The following CEP152 variants were observed in gnomAD, a reference collection of about 807,000 sequenced individuals.
The protein encoded by CEP152 is centrosomal protein of 152 kDa.
In CEP152, 132 loss-of-function variants were observed where a neutral mutation model predicts 188.9. The ratio of observed to expected loss-of-function variants is 0.70; its 90% confidence interval spans 0.61 to 0.81. The LOEUF (loss-of-function observed/expected upper bound fraction) is 0.81, where lower values mean the gene tolerates loss of function less well. CEP152 is among the 30% of genes least tolerant of loss of function. The pLI, the probability that CEP152 is intolerant of heterozygous loss-of-function variation, is 0.00. For missense variants in CEP152, 1,914 were observed against 1,969.8 expected, an observed-to-expected ratio of 0.97 and a Z score of 0.54; for synonymous variants, 649 against 666.6, an observed-to-expected ratio of 0.97 and a Z score of 0.41.
downstream of CEP152, among the ~76,000 whole-genome samples, chr15:48,734,200 T>TATATAC (rs1351522732): frequency 2.0e-5 from 3 of 149,946 alleles, no homozygotes; most frequent in Non-Finnish European, 4.4e-5. Flanking sequence ...AATATATACA[T>TATATAC]ATATACATAT....
chr15:48,807,112 T>C (rs997312787), intron 1 of CEP152, among the ~76,000 whole-genome samples: 3 of 152,174 alleles, frequency 2.0e-5, no homozygotes, highest in Non-Finnish European at 4.4e-5. Flanking sequence ...ACTCAGACTA[T>C]ACCTCAACTT....
chr15:48,801,060 C>A (rs551786176), intron 2 of CEP152, among the ~76,000 whole-genome samples: 1 of 152,238 alleles, frequency 6.6e-6, no homozygotes, highest in South Asian at 2.1e-4. Context: ...GGCAAGAGGC[C>A]TCAAGTTACA....
At chr15:48,764,805 C>T (rs1894939423) in intron 17 of CEP152, among the ~76,000 whole-genome samples, 1 of 152,026 alleles carries the variant, frequency 6.6e-6, no homozygotes, top group Non-Finnish European at 1.5e-5. Context: ...ATGCATGAAA[C>T]ATAAAAAAAC....
chr15:48,791,527 CTAAA>C (rs766835935), intron 7 of CEP152, 151 bp from the exon 8 acceptor site: 6 of 727,468 alleles, frequency 8.2e-6, no homozygotes, highest in Non-Finnish European at 1.3e-5. Flanking sequence ...TTAGAGAAAA[CTAAA>C]TAAAGAATTT....
intron 24 of CEP152, among the ~76,000 whole-genome samples, chr15:48,742,897 A>G (rs914001183): frequency 3.5e-4 from 54 of 152,164 alleles, no homozygotes; most frequent in Non-Finnish European, 2.4e-4. Flanking sequence ...TCATACAGGA[A>G]TCTTCCTGTT....
At chr15:48,786,951 C>A (rs1171790935) in intron 9 of CEP152, among the ~76,000 whole-genome samples, 2 of 152,038 alleles carry the variant, frequency 1.3e-5, no homozygotes, top group South Asian at 2.1e-4. Context: ...AGAATGGAGA[C>A]CCCCAACCCA....
At position 48,756,297 on chromosome 15, in the gene CEP152, T is replaced by C. The variant is rs1894258478; in HGVS notation, c.2951A>G (p.Asp984Gly). Residue 984 changes from aspartate (D) to glycine (G), a missense_variant, in exon 20 of 27, where the codon GAT becomes GGT. Transcript: ENST00000380950. ...QNEQDYRQFL[D>G]DHRNKINEVL... ...CTCATTAATTTTATTTCGGTGATCA[T>C]CTAAAAATTGCCGGTAATCTTGCTC... The C allele has an allele frequency of 1.3e-6, 2 of 1,576,626 alleles. No individual in the cohort carries two copies. Among genetic ancestry groups the C allele is most frequent in the East Asian group, 2.2e-5 (1 of 44,528 alleles).
At chr15:48,793,206 A>C in intron 7 of CEP152, 115 bp downstream of exon 7, 1 of 1,226,166 alleles carries the variant, frequency 8.2e-7, no homozygotes, top group Non-Finnish European at 1.2e-6. Flanking sequence ...CTCACTCACT[A>C]TGAGCCCTCT....
At chr15:48,758,886 A>G (rs772066855) in intron 19 of CEP152, among the ~76,000 whole-genome samples, 1 of 152,124 alleles carries the variant, frequency 6.6e-6, no homozygotes, top group Non-Finnish European at 1.5e-5. Context: ...TCATTTCTAT[A>G]TGTCTGCTTT....
intron 11 of CEP152, 98 bp downstream of exon 11, chr15:48,782,041 C>T (rs1032748675): frequency 8.9e-7 from 1 of 1,118,426 alleles, no homozygotes; most frequent in African/African-American, 1.5e-5. Context: ...GTGGTCCAAC[C>T]ACCTCTATTA....
chr15:48,802,119 T>C (rs1897702423), intron 2 of CEP152, among the ~76,000 whole-genome samples: 1 of 152,066 alleles, frequency 6.6e-6, no homozygotes, highest in African/African-American at 2.4e-5. Context: ...TATATCTCTG[T>C]AATATCCAAC....
rs1006708418 is a variant in CEP152, at chr15:48,772,422, A to G, written c.1782+65T>C. On this transcript the variant is annotated intron_variant, in intron 13 of 26. Coordinates refer to ENST00000380950, the MANE Select transcript of CEP152 (RefSeq NM_001194998.2). ...TGACGCCCTGTCTCAAAAAAAAAAA[A>G]GTGTAAAAGTTTTCTTTATTGAGCC... 24 of 1,371,910 alleles carry G rather than the reference A, an allele frequency of 1.7e-5. No homozygotes were observed. In the Middle Eastern group the frequency reaches 9.8e-4, roughly 56 times the overall value. The allele number at this position is 1,371,910 out of a possible 1,614,324, so 85.0% of individuals were successfully genotyped here. A position where few individuals can be genotyped will look rare whatever the true frequency, so the allele number is the denominator to read the frequency against.
chr15:48,746,290 T>C (rs1893417239), intron 22 of CEP152, among the ~76,000 whole-genome samples: 1 of 152,252 alleles, frequency 6.6e-6, no homozygotes, highest in Non-Finnish European at 1.5e-5. Context: ...TTTTAGAAGA[T>C]ATCAGCTTCA....
At chr15:48,800,233 CAG>C (rs1229766743) in intron 2 of CEP152, among the ~76,000 whole-genome samples, 1 of 152,150 alleles carries the variant, frequency 6.6e-6, no homozygotes, top group Non-Finnish European at 1.5e-5. Context: ...CTATAGTATT[CAG>C]AGTCTTGCAA....
chr15:48,742,149 T>C, intron 24 of CEP152, 49 bp from the exon 25 acceptor site: 1 of 1,576,652 alleles, frequency 6.3e-7, no homozygotes, highest in Non-Finnish European at 8.7e-7. Context: ...TATTAGCACT[T>C]TTTCAGAAAC....
At chr15:48,786,235 T>C (rs887150443) in intron 9 of CEP152, among the ~76,000 whole-genome samples, 1 of 151,988 alleles carries the variant, frequency 6.6e-6, no homozygotes, top group African/African-American at 2.4e-5. Flanking sequence ...CTTCCATGAA[T>C]GGGAGGAGGT....
rs1261104238 is a variant in CEP152 at position 48,738,220 on chromosome 15, A to C, written c.*29T>G. ...TCCCTTCCATTTTTGTTAATATATT[A>C]ATGATTCTTCTTAAATACTGTACCA... On this transcript the variant is annotated 3_prime_UTR_variant, in exon 27 of 27. Coordinates refer to ENST00000380950, the MANE Select transcript of CEP152 (RefSeq NM_001194998.2). 6.3e-7 allele frequency: 1 copy of C among 1,578,828 alleles called. No homozygotes were observed. Among genetic ancestry groups the C allele is most frequent in the Non-Finnish European group, 8.6e-7 (1 of 1,160,798 alleles).
chr15:48,797,433 A>T lies in CEP152; in HGVS notation c.408T>A (p.Ser136Arg). ...DEGGSGYSPP[S>R]KCEQTDLYHL... ...GATATAAATCAGTCTGTTCACATTT[A>T]CTTGGAGGACTATAACCACTTCCAC... The change falls in exon 5 of 27, where the codon AGT (serine) becomes AGA (arginine). Residue 136 changes from serine to arginine, a missense_variant. Physicochemically the swap from Ser to Arg is moderately radical, Grantham distance 110. Transcript: ENST00000380950. 1 of 1,614,160 alleles carries T rather than the reference A, an allele frequency of 6.2e-7. No individual in the cohort carries two copies. Among genetic ancestry groups the T allele is most frequent in the South Asian group, 1.1e-5 (1 of 91,086 alleles).
Position 48,755,940 on chromosome 15 carries a change from G to A in CEP152, c.3308C>T (p.Pro1103Leu). ...TGGGTCAGCGTTTTCTACAAGCAGA[G>A]GAAGTGTATCTTGAAATGCTTTCTG... is the stretch of plus-strand genomic sequence containing the variant. ...CIQKAFQDTLPLLVENADPEW... is the reference protein window; with the variant it reads ...CIQKAFQDTLLLLVENADPEW... The change falls in exon 20 of 27, where the codon CCT becomes CTT. Residue 1103 changes from proline (P) to leucine (L), a missense_variant. By Grantham distance (98) the Pro-to-Leu change is moderately conservative. Transcript: ENST00000380950. 6.2e-7 allele frequency: 1 copy of A among 1,613,970 alleles called. No homozygotes were observed. Among genetic ancestry groups the A allele is most frequent in the African/African-American group, 1.3e-5 (1 of 75,020 alleles).
Sources: allele counts gnomAD v4.1 joint callset (sites outside exome capture counted in the v4.1 genomes callset), GRCh38; gene constraint gnomAD v4.1.1; transcripts MANE v1.5; gene names NCBI Gene and HGNC (gene_info 2026-07-23, HGNC 2026-07-21).